The following SLC6A6 variants were observed in gnomAD, a reference collection of about 807,000 sequenced individuals.
SLC6A6 encodes solute carrier family 6 member 6.
SLC6A6 carries 16 observed loss-of-function variants against 68.8 expected under a neutral mutation model. That is an observed-to-expected ratio of 0.23 (90% CI 0.16 to 0.35). SLC6A6 has a LOEUF of 0.35. Ranked by LOEUF, SLC6A6 falls within the 10% of genes least tolerant of loss-of-function variation. The pLI, the probability that SLC6A6 is intolerant of heterozygous loss-of-function variation, is 1.00. For missense variants in SLC6A6, 474 were observed against 802.8 expected, an observed-to-expected ratio of 0.59 and a Z score of 4.95; for synonymous variants, 312 against 315.4, an observed-to-expected ratio of 0.99 and a Z score of 0.12.
intron 14 of SLC6A6, among the ~76,000 whole-genome samples, chr3:14,484,605 A>G (rs1240585693): frequency 6.6e-6 from 1 of 152,258 alleles, no homozygotes. Flanking sequence ...CCATCCCTGT[A>G]GGAACGTAAG....
At chr3:14,467,811 C>T in intron 7 of SLC6A6, 42 bp from the exon 8 acceptor site, 1 of 1,321,250 alleles carries the variant, frequency 7.6e-7, no homozygotes, top group Non-Finnish European at 1.1e-6. Flanking sequence ...CCAGCTCTGA[C>T]AGCCCTCCTC....
At chr3:14,414,792 G>C (rs1242901212) in intron 1 of SLC6A6, among the ~76,000 whole-genome samples, 1 of 152,220 alleles carries the variant, frequency 6.6e-6, no homozygotes, top group African/African-American at 2.4e-5. Context: ...GCCTCCAAGA[G>C]TGCTGGGATT....
intron 3 of SLC6A6, chr3:14,444,929 A>T (rs966365818): frequency 4.1e-5 from 18 of 439,622 alleles, no homozygotes; most frequent in Middle Eastern, 1.4e-3. Flanking sequence ...CCCCCACCGG[A>T]GATGCCTACC....
intron 2 of SLC6A6, among the ~76,000 whole-genome samples, chr3:14,429,236 G>C (rs893147429): frequency 6.6e-6 from 1 of 152,206 alleles, no homozygotes; most frequent in African/African-American, 2.4e-5. Flanking sequence ...TCTGGGCTCT[G>C]CCACTTGCTA....
chr3:14,485,069 G>A lies in SLC6A6; in HGVS notation c.*62G>A. ...TGTTTACTAACATTAGATTCTCATA[G>A]GACCAGGTTTACAGAGCTTTATATT... On this transcript the variant is annotated 3_prime_UTR_variant, in exon 15 of 15. Transcript: ENST00000622186. 6.9e-7 allele frequency: 1 copy of A among 1,442,876 alleles called. No individual in the cohort carries two copies. Among genetic ancestry groups the A allele is most frequent in the Admixed American group, 2.1e-5 (1 of 48,210 alleles). 89.4% of individuals were successfully genotyped at this position (1,442,876 alleles called of 1,614,324 possible).
chr3:14,469,829 C>T (rs1434439772), intron 9 of SLC6A6, among the ~76,000 whole-genome samples: 1 of 152,130 alleles, frequency 6.6e-6, no homozygotes, highest in African/African-American at 2.4e-5. Flanking sequence ...TGCAGGACCC[C>T]CTTGGCAAAT....
chr3:14,423,543 GAGA>G (rs971421800), intron 2 of SLC6A6, among the ~76,000 whole-genome samples: 4 of 152,126 alleles, frequency 2.6e-5, no homozygotes, highest in Non-Finnish European at 5.9e-5. Flanking sequence ...CTGAGGCTCA[GAGA>G]AGTACAGTGA....
chr3:14,480,538 C>A (rs558826460), intron 13 of SLC6A6, among the ~76,000 whole-genome samples: 1 of 152,212 alleles, frequency 6.6e-6, no homozygotes, highest in East Asian at 1.9e-4. Flanking sequence ...CTCATCTGAG[C>A]CACAGCCCTA....
At chr3:14,460,269 C>A (rs1245419209) in intron 6 of SLC6A6, among the ~76,000 whole-genome samples, 1 of 151,992 alleles carries the variant, frequency 6.6e-6, no homozygotes, top group African/African-American at 2.4e-5. Context: ...AGCTGATGGC[C>A]TGGCAGGAAG....
intron 2 of SLC6A6, among the ~76,000 whole-genome samples, chr3:14,439,220 C>T (rs958346007): frequency 6.6e-6 from 1 of 152,256 alleles, no homozygotes; most frequent in African/African-American, 2.4e-5. Flanking sequence ...CCAGGCTGCT[C>T]GCTTCCCTGC....
At chr3:14,479,239 C>T (rs549304631) in intron 13 of SLC6A6, 54 bp downstream of exon 13, 5 of 1,055,434 alleles carry the variant, frequency 4.7e-6, no homozygotes, top group Non-Finnish European at 7.5e-6. Flanking sequence ...TGGGGCTTGA[C>T]ATTTTCACCC....
chr3:14,445,656 G>C, intron 3 of SLC6A6, 61 bp from the exon 4 acceptor site: 1 of 1,600,520 alleles, frequency 6.2e-7, no homozygotes, highest in Non-Finnish European at 8.6e-7. Flanking sequence ...GGGCTTGGGA[G>C]CCTTCTGCGT....
At position 14,457,915 on chromosome 3, in the gene SLC6A6, C is replaced by T. The variant is rs776275164; in HGVS notation, c.600-35C>T. ...GGCTCTCTCTACTCCAGGGCCAGGC[C>T]CCTCACTGACTCCTGGCTCTGTGTT... is the stretch of plus-strand genomic sequence containing the variant. On this transcript the variant is annotated intron_variant, in intron 5 of 14. Coordinates refer to ENST00000622186, the MANE Select transcript of SLC6A6 (RefSeq NM_003043.6). 5.0e-6 allele frequency: 8 copies of T among 1,611,368 alleles called. No homozygotes were observed. The South Asian group carries it at 8.8e-5, about 18-fold the overall frequency.
At chr3:14,462,795 G>A (rs1700526053) in intron 6 of SLC6A6, among the ~76,000 whole-genome samples, 1 of 152,192 alleles carries the variant, frequency 6.6e-6, no homozygotes, top group African/African-American at 2.4e-5. Context: ...TTTCCATAGG[G>A]TAGAGAACAC....
In SLC6A6 at chr3:14,472,073, C is replaced by T; in HGVS notation, c.1097-132C>T. ...GGCGAGACAGGCCTGGTCTCTTTCC[C>T]CAGGCCAGAGTTCAGACCTGGCTCC... On this transcript the variant is annotated intron_variant, in intron 9 of 14. Coordinates refer to ENST00000622186, the MANE Select transcript of SLC6A6 (RefSeq NM_003043.6). The surrounding 1 kb of genome is among the most constrained non-coding windows in gnomAD (Gnocchi z 4.5). 2 of 633,248 alleles carry T rather than the reference C, an allele frequency of 3.2e-6. No homozygotes were observed. Among genetic ancestry groups the T allele is most frequent in the South Asian group, 3.8e-5 (2 of 52,004 alleles). 39.2% of individuals were successfully genotyped at this position (633,248 alleles called of 1,614,324 possible).
At chr3:14,484,520 A>T (rs1701091027) in intron 14 of SLC6A6, among the ~76,000 whole-genome samples, 1 of 152,160 alleles carries the variant, frequency 6.6e-6, no homozygotes, top group African/African-American at 2.4e-5. Flanking sequence ...AAGGCAGAGA[A>T]ATCAGAGGGA....
intron 12 of SLC6A6, 67 bp from the exon 13 acceptor site, chr3:14,479,018 C>A: frequency 2.0e-6 from 2 of 987,410 alleles, no homozygotes; most frequent in South Asian, 1.3e-5. Flanking sequence ...AGACCCCACT[C>A]ATGGCCCCTG....
intron 2 of SLC6A6, among the ~76,000 whole-genome samples, chr3:14,434,536 C>T (rs1699807616): frequency 6.6e-6 from 1 of 152,230 alleles, no homozygotes; most frequent in South Asian, 2.1e-4. Flanking sequence ...CCACTGCTTG[C>T]CAAAGCCACT....
chr3:14,423,625 T>C (rs1369728853), intron 2 of SLC6A6, among the ~76,000 whole-genome samples: 2 of 152,154 alleles, frequency 1.3e-5, no homozygotes, highest in African/African-American at 2.4e-5. Context: ...CTTCCTGTTT[T>C]GGTGCTGTCA....
Sources: gnomAD v4.1 joint callset for allele counts (sites outside exome capture counted in the v4.1 genomes callset) on GRCh38, gnomAD v4.1.1 for gene constraint, Gnocchi (gnomAD v3.1) non-coding constraint, MANE v1.5 for transcripts, NCBI Gene and HGNC (gene_info 2026-07-23, HGNC 2026-07-21) for gene names.